Variants in FAM107B observed in about 807,000 individuals in gnomAD.
The protein encoded by FAM107B is protein FAM107B.
In FAM107B, 21 loss-of-function variants were observed where a neutral mutation model predicts 31.5. That is an observed-to-expected ratio of 0.67 (90% CI 0.47 to 0.96). The LOEUF (loss-of-function observed/expected upper bound fraction) is 0.96, where lower values mean the gene tolerates loss of function less well. Among genes scored for constraint, FAM107B ranks in the 40% least tolerant of loss-of-function variants. FAM107B has a pLI of 0.00. For missense variants in FAM107B, 452 were observed against 377.1 expected (o/e 1.20, Z -1.64); for synonymous variants, 157 against 141.5 (o/e 1.11, Z -0.78).
chr10:14,665,652 A>AT (rs1427326176), intron 2 of FAM107B, among the ~76,000 whole-genome samples: 1 of 152,182 alleles, frequency 6.6e-6, no homozygotes, highest in Non-Finnish European at 1.5e-5. Context: ...ACTCAGAGTC[A>AT]TTTTCAAAGG....
At chr10:14,661,680 CCTT>C (rs1341587412) in intron 2 of FAM107B, 1 of 152,138 alleles carries the variant, frequency 6.6e-6, no homozygotes, top group African/African-American at 2.4e-5. Context: ...TAATAAATCT[CCTT>C]CTATATCTAT....
intron 1 of FAM107B, among the ~76,000 whole-genome samples, chr10:14,712,207 G>C (rs1194294659): frequency 1.3e-5 from 2 of 152,090 alleles, no homozygotes. Context: ...ATTACCCATT[G>C]CGTGCCTGTA....
chr10:14,551,429 G>A (rs746688454), intron 2 of FAM107B, among the ~76,000 whole-genome samples: 1 of 152,102 alleles, frequency 6.6e-6, no homozygotes, highest in Non-Finnish European at 1.5e-5. Flanking sequence ...ACAGGTGTGC[G>A]CCACCTCACC....
intron 2 of FAM107B, among the ~76,000 whole-genome samples, chr10:14,592,314 T>C (rs1852047196): frequency 6.6e-6 from 1 of 152,210 alleles, no homozygotes; most frequent in Admixed American, 6.5e-5. Context: ...TGCGGAAATG[T>C]ACAGGTTCCT....
chr10:14,666,140 A>G (rs1854398364), intron 2 of FAM107B, among the ~76,000 whole-genome samples: 1 of 152,224 alleles, frequency 6.6e-6, no homozygotes, highest in African/African-American at 2.4e-5. Context: ...ACAATATTGT[A>G]ATAAACCACA....
chr10:14,703,927 A>C (rs1855461385), intron 1 of FAM107B, among the ~76,000 whole-genome samples: 1 of 152,226 alleles, frequency 6.6e-6, no homozygotes, highest in African/African-American at 2.4e-5. Flanking sequence ...AGGCGTGATG[A>C]TTTAAGAGCA....
intron 2 of FAM107B, among the ~76,000 whole-genome samples, chr10:14,600,147 GT>G (rs1237877715): frequency 6.6e-6 from 1 of 152,054 alleles, no homozygotes; most frequent in East Asian, 1.9e-4. Context: ...AAAACCTCTG[GT>G]GGGCACAGCT....
intron 2 of FAM107B, among the ~76,000 whole-genome samples, chr10:14,656,939 G>A (rs1045346974): frequency 3.3e-5 from 5 of 152,136 alleles, no homozygotes; most frequent in Admixed American, 1.3e-4. Context: ...AGGATTGGAT[G>A]GAGAAGAATA....
At chr10:14,572,267 A>G (rs765569608) in intron 2 of FAM107B, 100 of 985,308 alleles carry the variant, frequency 1.0e-4, no homozygotes, top group Non-Finnish European at 1.2e-4. Context: ...CACTGGTGAA[A>G]TGTACTTGTC....
At chr10:14,676,350 G>A (rs903244964) in intron 1 of FAM107B, among the ~76,000 whole-genome samples, 2 of 151,988 alleles carry the variant, frequency 1.3e-5, no homozygotes, top group Non-Finnish European at 2.9e-5. Context: ...AGTTTTCCAG[G>A]GAATCTCTTA....
chr10:14,649,189 G>C (rs1231679495), intron 2 of FAM107B, among the ~76,000 whole-genome samples: 1 of 152,206 alleles, frequency 6.6e-6, no homozygotes, highest in Non-Finnish European at 1.5e-5. Context: ...CATTAAAACA[G>C]AGACCATAAG....
At chr10:14,599,691 G>T (rs1318666393) in intron 2 of FAM107B, among the ~76,000 whole-genome samples, 4 of 152,066 alleles carry the variant, frequency 2.6e-5, no homozygotes, top group Non-Finnish European at 5.9e-5. Context: ...AAACATCTCT[G>T]GTCAGGGAAT....
intron 2 of FAM107B, among the ~76,000 whole-genome samples, chr10:14,601,588 C>T (rs1852400765): frequency 1.3e-5 from 2 of 152,064 alleles, no homozygotes; most frequent in East Asian, 3.9e-4. Flanking sequence ...CCCGAGTGTG[C>T]CCCACAGCAC....
At chr10:14,643,004 C>A (rs959812903) in intron 2 of FAM107B, among the ~76,000 whole-genome samples, 2 of 152,164 alleles carry the variant, frequency 1.3e-5, no homozygotes, top group African/African-American at 2.4e-5. Context: ...AATTCCAAAG[C>A]CATTTCCACA....
intron 1 of FAM107B, among the ~76,000 whole-genome samples, chr10:14,700,015 C>T (rs1431889079): frequency 6.6e-6 from 1 of 152,166 alleles, no homozygotes; most frequent in Admixed American, 6.5e-5. Context: ...TCACTGCAAC[C>T]TCCACCTCCC....
chr10:14,537,409 G>A (rs560325284), intron 2 of FAM107B, among the ~76,000 whole-genome samples: 43 of 152,324 alleles, frequency 2.8e-4, no homozygotes, highest in African/African-American at 1.0e-3. Context: ...ATGGGTTTGG[G>A]TGGGGCAACC....
chr10:14,622,811 T>A (rs561148339), intron 2 of FAM107B, among the ~76,000 whole-genome samples: 18 of 152,364 alleles, frequency 1.2e-4, no homozygotes, highest in Admixed American at 5.9e-4. Flanking sequence ...CCCAGTTTAT[T>A]TGACTGCAGG....
At chr10:14,725,222 C>G (rs912423368) in intron 1 of FAM107B, among the ~76,000 whole-genome samples, 2 of 152,060 alleles carry the variant, frequency 1.3e-5, no homozygotes, top group African/African-American at 4.8e-5. Flanking sequence ...TATGAGATGG[C>G]TGAGTTTTCT....
Position 14,574,001 on chromosome 10 carries a change from T to C in FAM107B, c.470-43486A>G, listed in dbSNP as rs565269388. The stretch of plus-strand genomic sequence containing the variant: ...CCTTCCCATGACACAGGGAATATTT[T>C]GGTGCTCTCAACATGAAATGCCACA... On this transcript the variant is annotated intron_variant, in intron 2 of 4. Transcript: ENST00000181796. Among the ~76,000 whole-genome samples the C allele has an allele frequency of 4.6e-5, 7 of 151,976 alleles. No individual in the cohort carries two copies. In the South Asian group the frequency reaches 1.5e-3, roughly 32 times the overall value.
Sources: allele counts gnomAD v4.1 joint callset (sites outside exome capture counted in the v4.1 genomes callset), GRCh38; gene constraint gnomAD v4.1.1; transcripts MANE v1.5; gene names NCBI Gene and HGNC (gene_info 2026-07-23, HGNC 2026-07-21).